Variants in APOB observed in about 807,000 individuals in gnomAD.
APOB encodes the protein apolipoprotein B-100.
Under a neutral mutation model 314.1 loss-of-function variants are expected in APOB, and 153 were observed. That is an observed-to-expected ratio of 0.49 (90% CI 0.43 to 0.56). The LOEUF (loss-of-function observed/expected upper bound fraction) is 0.56. Among genes scored for constraint, APOB ranks in the 20% least tolerant of loss-of-function variants. The pLI is 0.00. For synonymous variants in APOB, 2,087 were observed against 2,036.4 expected (o/e 1.02, Z -0.67); for missense variants, 5,430 against 5,350.7 (o/e 1.01, Z -0.46).
rs200145506 is a variant in APOB, at chr2:21,002,519, G to A, written c.12903C>T (p.Asp4301=). Residue 4301 remains aspartate (D), a synonymous_variant, in exon 29 of 29, where the codon GAC becomes GAT. Transcript: ENST00000233242. ...TTAGTTGGAAAATGAATTGTAAAAGGTCCTGAAGATTACGTAGCACCTCTG... is the reference window on the plus strand; with the variant it reads ...TTAGTTGGAAAATGAATTGTAAAAGATCCTGAAGATTACGTAGCACCTCTG... ...KTTEVLRNLQ[D]LLQFIFQLIE... 1.5e-4 allele frequency: 236 copies of A among 1,613,328 alleles called. 5 individuals carry two copies. In the Admixed American group the frequency reaches 3.9e-3, roughly 27 times the overall value.
At position 21,033,195 on chromosome 2, in the gene APOB, A is replaced by G. The variant is rs981571651; in HGVS notation, c.1124+104T>C. ...ACTGATTGACTAATTGATTAACTGGATTGATATCCAAATGGTCCCTGAGAT... is the reference window on the plus strand; with the variant it reads ...ACTGATTGACTAATTGATTAACTGGGTTGATATCCAAATGGTCCCTGAGAT... On this transcript the variant is annotated intron_variant, in intron 9 of 28. Transcript: ENST00000233242. 4 of 843,006 alleles carry G rather than the reference A, an allele frequency of 4.7e-6. 1 individual carries two copies. Among genetic ancestry groups the G allele is most frequent in the Admixed American group, 3.9e-5 (2 of 51,720 alleles). 52.2% of individuals were successfully genotyped at this position (843,006 alleles called of 1,614,324 possible).
rs754640467 is a variant in APOB, at chr2:21,011,677, C to T, written c.5191G>A (p.Val1731Ile). The T allele has an allele frequency of 6.2e-6, 10 of 1,614,022 alleles. No individual in the cohort carries two copies. In the African/African-American group the frequency reaches 8.0e-5, roughly 13 times the overall value. The change falls in exon 26 of 29, where the codon GTC (valine) becomes ATC (isoleucine). Residue 1731 changes from valine to isoleucine, a missense_variant. This residue lies in a region of APOB where 2,085 missense variants were observed against 2,079.7 expected (regional missense o/e 1.00). Coordinates refer to ENST00000233242, the MANE Select transcript of APOB (RefSeq NM_000384.3). ...VDSKNIFNFK[V>I]SQEGLKLSND... ...GAGAGCTTAAGTCCTTCTTGACTGA[C>T]CTTGAAGTTGAAAATGTTTTTGCTG... is the stretch of plus-strand genomic sequence containing the variant.
At chr2:21,028,205 C>G in intron 13 of APOB, 122 bp downstream of exon 13, 2 of 1,142,556 alleles carry the variant, frequency 1.8e-6, no homozygotes, top group South Asian at 2.5e-5. Context: ...TCTAGATCTG[C>G]TACACATTTG....
At position 21,006,813 on chromosome 2, in the gene APOB, G is replaced by A. The variant is rs767624020; in HGVS notation, c.10055C>T (p.Thr3352Ile). The change falls in exon 26 of 29, where the codon ACC becomes ATC. Residue 3352 changes from threonine (T) to isoleucine (I), a missense_variant. Transcript: ENST00000233242. ...SFKSSVITLN[T>I]NAELFNQSDI... is the part of the protein sequence containing the mutation. ...TGACTGGTTAAAAAGTTCAGCATTG[G>A]TATTCAGTGTGATGACACTTGATTT... The A allele has an allele frequency of 3.7e-6, 6 of 1,613,962 alleles. No individual in the cohort carries two copies. The East Asian group carries it at 1.1e-4, about 30-fold the overall frequency.
intron 5 of APOB, 111 bp downstream of exon 5, chr2:21,037,847 T>C: frequency 7.3e-7 from 1 of 1,375,812 alleles, no homozygotes; most frequent in Non-Finnish European, 1.0e-6. Flanking sequence ...GCTTCCTATG[T>C]AACTAGTCAT....
Position 21,011,599 on chromosome 2 carries a change from G to C in APOB, c.5269C>G (p.Leu1757Val), listed in dbSNP as rs1315014976. The stretch of plus-strand genomic sequence containing the variant: ...TCCAGTGATAAGCCTGCAATGTTCA[G>C]ACTGTTTGTGTGGTCAAATTTCATT... The part of the protein sequence containing the change: ...AEMKFDHTNS[L>V]NIAGLSLDFS... The change falls in exon 26 of 29, where the codon CTG becomes GTG. Residue 1757 changes from leucine (L) to valine (V), a missense_variant. Physicochemically the swap from Leu to Val is conservative, Grantham distance 32. Around this residue, in one of 3 missense-constraint regions of APOB, gnomAD observed 64 missense variants for 99.9 expected, o/e 0.64. Transcript: ENST00000233242. 2 of 1,614,212 alleles carry C rather than the reference G, an allele frequency of 1.2e-6. No individual in the cohort carries two copies. The highest frequency in any genetic ancestry group is 8.5e-7 in the Non-Finnish European group (1 of 1,180,028).
At position 21,006,501 on chromosome 2, in the gene APOB, G is replaced by A. The variant is rs1217782046; in HGVS notation, c.10367C>T (p.Ser3456Phe). 2 of 1,614,142 alleles carry A rather than the reference G, an allele frequency of 1.2e-6. No homozygotes were observed. The highest frequency in any genetic ancestry group is 1.7e-6 in the Non-Finnish European group (2 of 1,179,974). ...GNTKSKPTVS[S>F]SMEFKYDFNS... ...GAAATCATACTTAAATTCCATGGAG[G>A]AAGAGACAGTAGGTTTTGACTTGGT... is the stretch of plus-strand genomic sequence containing the variant. Residue 3456 changes from serine (S) to phenylalanine (F), a missense_variant, in exon 26 of 29, where the codon TCC becomes TTC. Ser to Phe is a radical substitution (Grantham distance 155). Coordinates refer to ENST00000233242, the MANE Select transcript of APOB (RefSeq NM_000384.3).
At chr2:21,016,986 AAAATAAAT>A (rs60811793) in intron 20 of APOB, among the ~76,000 whole-genome samples, 20 of 120,348 alleles carry the variant, frequency 1.7e-4, no homozygotes, top group Admixed American at 1.1e-3. Context: ...TCCATCTCAA[AAAATAAAT>A]AAATAAATAA....
Position 21,037,221 on chromosome 2 carries a change from G to A in APOB, c.572C>T (p.Thr191Ile). 1 of 1,613,930 alleles carries A rather than the reference G, an allele frequency of 6.2e-7. No homozygotes were observed. Reference protein sequence around the residue: ...TVYGNCSTHFTVKTRKGNVAT... With the variant: ...TVYGNCSTHFIVKTRKGNVAT... ...CACATTGCCCTTCCTCGTCTTGACG[G>A]TAAAGTGAGTGGAGCAGTTTCCATA... Residue 191 changes from threonine (T) to isoleucine (I), a missense_variant, in exon 6 of 29, where the codon ACC (threonine) becomes ATC (isoleucine). Transcript: ENST00000233242.
chr2:21,035,706 G>A lies in APOB; in HGVS notation c.696C>T (p.Thr232=). The A allele has an allele frequency of 6.2e-7, 1 of 1,613,984 alleles. No homozygotes were observed. Among genetic ancestry groups the A allele is most frequent in the Non-Finnish European group, 8.5e-7 (1 of 1,180,016 alleles). The change falls in exon 7 of 29, where the codon ACC becomes ACT. Residue 232 remains threonine (T), a splice_region_variant and synonymous_variant. Transcript: ENST00000233242. ...TGCTGATCAGAGTTGACAAGGGGCG[G>A]GTCTATGAAAGAGATTGGAGACGAG... The part of the protein sequence containing the change: ...ISPLALIKGM[T]RPLSTLISSS...
rs374251542 is a variant in APOB at position 21,010,955 on chromosome 2, C to T, written c.5913G>A (p.Leu1971=). 1.6e-4 allele frequency: 253 copies of T among 1,613,994 alleles called. No homozygotes were observed. Among genetic ancestry groups the T allele is most frequent in the Non-Finnish European group, 2.0e-4 (239 of 1,180,010 alleles). ...SAALEHKVSA[L]LTPAEQTGTW... is the part of the protein sequence containing the mutation. ...TGCCTGTCTGCTCAGCTGGAGTAAGCAGGGCACTGACTTTGTGTTCAAGAG... is the reference window on the plus strand; with the variant it reads ...TGCCTGTCTGCTCAGCTGGAGTAAGTAGGGCACTGACTTTGTGTTCAAGAG... The change falls in exon 26 of 29, where the codon CTG becomes CTA. Residue 1971 remains leucine, a synonymous_variant. Coordinates refer to ENST00000233242, the MANE Select transcript of APOB (RefSeq NM_000384.3).
intron 20 of APOB, among the ~76,000 whole-genome samples, chr2:21,018,543 G>A (rs1004738272): frequency 2.0e-5 from 3 of 152,112 alleles, no homozygotes; most frequent in East Asian, 1.9e-4. Flanking sequence ...CCCTCTGCCT[G>A]TTAACAGTCT....
In APOB at chr2:21,033,395, T is replaced by G. The variant is rs762398888; in HGVS notation, c.1028A>C (p.Gln343Pro). 1 of 1,614,204 alleles carries G rather than the reference T, an allele frequency of 6.2e-7. No homozygotes were observed. Among genetic ancestry groups the G allele is most frequent in the South Asian group, 1.1e-5 (1 of 91,086 alleles). ...CAGCTTATTGAAGAGATTAGCTCTC[T>G]GGATATTTTGCTCAGAGATGGTTAG... ...KKLTISEQNI[Q>P]RANLFNKLVT... The change falls in exon 9 of 29, where the codon CAG becomes CCG. Residue 343 changes from glutamine (Q) to proline (P), a missense_variant. Physicochemically the swap from Gln to Pro is moderately conservative, Grantham distance 76. Around this residue, in one of 3 missense-constraint regions of APOB, gnomAD observed 2,085 missense variants for 2,079.7 expected, o/e 1.00. Transcript: ENST00000233242.
In APOB at chr2:21,007,292, C is replaced by T. The variant is rs1572779647; in HGVS notation, c.9576G>A (p.Val3192=). 6.2e-7 allele frequency: 1 copy of T among 1,613,798 alleles called. No homozygotes were observed. Among genetic ancestry groups the T allele is most frequent in the Non-Finnish European group, 8.5e-7 (1 of 1,179,862 alleles). The change falls in exon 26 of 29, where the codon GTG becomes GTA. Residue 3192 remains valine, a synonymous_variant. Transcript: ENST00000233242. The part of the protein sequence containing the change: ...HRHSITNPLA[V]LCEFISQSIK... ...TGCTCTGACTGATAAACTCACAAAG[C>T]ACAGCCAAAGGATTTGTGATGGAAT...
Position 21,029,881 on chromosome 2 carries a change from T to C in APOB, c.1470+17A>G. The C allele has an allele frequency of 1.2e-6, 2 of 1,609,502 alleles. No individual in the cohort carries two copies. Among genetic ancestry groups the C allele is most frequent in the East Asian group, 2.2e-5 (1 of 44,840 alleles). ...TGCTTCTGAAATGATGTATGTCATA[T>C]AAAAGACTGAGATTACCCGCAGAAT... On this transcript the variant is annotated intron_variant, in intron 11 of 28. Coordinates refer to ENST00000233242, the MANE Select transcript of APOB (RefSeq NM_000384.3).
chr2:21,028,124 G>T (rs1663784809), intron 13 of APOB, 59 bp from the exon 14 acceptor site: 1 of 1,293,466 alleles, frequency 7.7e-7, no homozygotes, highest in Non-Finnish European at 1.1e-6. Flanking sequence ...TTTGACTCTT[G>T]CACCCCAAGT....
At position 21,001,956 on chromosome 2, in the gene APOB, G is replaced by A; in HGVS notation, c.13466C>T (p.Ser4489Phe). 8 of 1,614,048 alleles carry A rather than the reference G, an allele frequency of 5.0e-6. No homozygotes were observed. The highest frequency in any genetic ancestry group is 6.8e-6 in the Non-Finnish European group (8 of 1,179,978). ...ATATCTAAACTGCTGGTGGTAATCA[G>A]AAATTATTTTCTTCGTCGCAATGGC... is the stretch of plus-strand genomic sequence containing the variant. ...SQAIATKKIISDYHQQFRYKL... is the reference protein window; with the variant it reads ...SQAIATKKIIFDYHQQFRYKL... The change falls in exon 29 of 29, where the codon TCT becomes TTT. Residue 4489 changes from serine to phenylalanine, a missense_variant. This residue lies in a region of APOB where 3,281 missense variants were observed against 3,171.0 expected (regional missense o/e 1.03). Transcript: ENST00000233242.
Position 21,011,469 on chromosome 2 carries a change from T to C in APOB, c.5399A>G (p.Asp1800Gly). 6.2e-7 allele frequency: 1 copy of C among 1,614,204 alleles called. No individual in the cohort carries two copies. Among genetic ancestry groups the C allele is most frequent in the East Asian group, 2.2e-5 (1 of 44,888 alleles). Residue 1800 changes from aspartate to glycine, a missense_variant, in exon 26 of 29, where the codon GAC becomes GGC. Transcript: ENST00000233242. ...PYSLVTTLNS[D>G]LKYNALDLTN... Reference sequence around the variant, plus strand: ...GAGATCCAGAGCATTGTATTTCAGGTCACTGTTTAAAGTAGTTACCAGAGA... The same window carrying C: ...GAGATCCAGAGCATTGTATTTCAGGCCACTGTTTAAAGTAGTTACCAGAGA...
chr2:21,004,992 T>A, intron 26 of APOB, 88 bp downstream of exon 26: 2 of 1,522,504 alleles, frequency 1.3e-6, no homozygotes, highest in Non-Finnish European at 1.8e-6. Context: ...TAATTGTACA[T>A]CTACTCACAA....
Sources: gnomAD v4.1 joint callset for allele counts (sites outside exome capture counted in the v4.1 genomes callset) on GRCh38, gnomAD v4.1.1 for gene constraint, gnomAD v4.1.1 regional missense constraint, MANE v1.5 for transcripts, NCBI Gene and HGNC (gene_info 2026-07-23, HGNC 2026-07-21) for gene names.